The following SRGAP3 variants were observed in gnomAD, a reference collection of about 807,000 sequenced individuals.
The protein encoded by SRGAP3 is SLIT-ROBO Rho GTPase activating protein 3, also known as SLIT-ROBO Rho GTPase-activating protein 3.
In SRGAP3, 39 loss-of-function variants were observed where a neutral mutation model predicts 121.1. That is an observed-to-expected ratio of 0.32 (90% CI 0.25 to 0.42). The LOEUF (loss-of-function observed/expected upper bound fraction) is 0.42, where lower values mean the gene tolerates loss of function less well. Among genes scored for constraint, SRGAP3 ranks in the 10% least tolerant of loss-of-function variants. SRGAP3 has a pLI of 1.00. For missense variants in SRGAP3, 1,213 were observed against 1,470.6 expected (o/e 0.82, Z 2.86); for synonymous variants, 601 against 570.0 (o/e 1.05, Z -0.77).
At chr3:9,102,669 G>T (rs1354223816) in intron 3 of SRGAP3, among the ~76,000 whole-genome samples, 1 of 152,242 alleles carries the variant, frequency 6.6e-6, no homozygotes, top group Non-Finnish European at 1.5e-5. Context: ...TGTGGGCTGG[G>T]TTGTTTCCTT....
intron 1 of SRGAP3, among the ~76,000 whole-genome samples, chr3:9,176,273 G>A (rs1228498770): frequency 6.6e-6 from 1 of 152,134 alleles, no homozygotes; most frequent in African/African-American, 2.4e-5. Flanking sequence ...GTAACACAGG[G>A]TGATGATGGC....
chr3:9,232,688 C>G (rs983712911), intron 1 of SRGAP3, among the ~76,000 whole-genome samples: 4 of 152,164 alleles, frequency 2.6e-5, no homozygotes, highest in African/African-American at 9.7e-5. Flanking sequence ...ATGTTAAGTT[C>G]ATGAAATCTG....
In SRGAP3 at chr3:8,985,502, G is replaced by A. The variant is rs765566401; in HGVS notation, c.*17C>T. The A allele has an allele frequency of 5.3e-5, 85 of 1,598,032 alleles. No homozygotes were observed. The highest frequency in any genetic ancestry group is 6.6e-5 in the Non-Finnish European group (78 of 1,179,294). ...GTGAGCCACAGCGGGCCACGGCGGC[G>A]CGGCCCATCCTGCAGGTCACATGGT... On this transcript the variant is annotated 3_prime_UTR_variant, in exon 22 of 22. Coordinates refer to ENST00000383836, the MANE Select transcript of SRGAP3 (RefSeq NM_014850.4). This position sits in a 1 kb window ranked among gnomAD's most constrained non-coding sequence, Gnocchi z 5.1.
At chr3:9,345,046 A>G (rs868514325) in intron 1 of SRGAP3, among the ~76,000 whole-genome samples, 5 of 152,132 alleles carry the variant, frequency 3.3e-5, no homozygotes, top group Non-Finnish European at 7.4e-5. Context: ...AAAAAAAAAA[A>G]GCCAAGGAGG....
chr3:9,060,428 C>CATTT, intron 5 of SRGAP3, 69 bp from the exon 6 acceptor site: 27 of 1,175,384 alleles, frequency 2.3e-5, no homozygotes, highest in East Asian at 3.2e-5. Flanking sequence ...TTTTCTATTC[C>CATTT]TTTTTTTTTT....
Position 8,981,050 on chromosome 3 carries a change from C to T in SRGAP3, c.*4469G>A, listed in dbSNP as rs1941393241. ...AACTCACACAGAAAGGAGGTGTCAACAAGGGGCAGCGATGGCCATGTGGCC... is the reference window on the plus strand; with the variant it reads ...AACTCACACAGAAAGGAGGTGTCAATAAGGGGCAGCGATGGCCATGTGGCC... On this transcript the variant is annotated 3_prime_UTR_variant, in exon 22 of 22. Coordinates refer to ENST00000383836, the MANE Select transcript of SRGAP3 (RefSeq NM_014850.4). 4.3e-6 allele frequency: 1 copy of T among 233,114 alleles called. No individual in the cohort carries two copies. Among genetic ancestry groups the T allele is most frequent in the Non-Finnish European group, 8.5e-6 (1 of 117,826 alleles). The allele number at this position is 233,114 out of a possible 1,614,324, so 14.4% of individuals were successfully genotyped here.
intron 4 of SRGAP3, among the ~76,000 whole-genome samples, chr3:9,075,375 G>A (rs918155101): frequency 2.0e-5 from 2 of 98,452 alleles, no homozygotes; most frequent in Non-Finnish European, 3.6e-5. Context: ...ATGTATGCAA[G>A]TGTGTGTGTG....
At chr3:9,117,893 A>G (rs1445462838) in intron 2 of SRGAP3, among the ~76,000 whole-genome samples, 2 of 152,198 alleles carry the variant, frequency 1.3e-5, no homozygotes, top group African/African-American at 4.8e-5. Flanking sequence ...CTAAGGTAAG[A>G]GAATTGCTTG....
At chr3:9,002,894 G>GA (rs200230129) in intron 18 of SRGAP3, among the ~76,000 whole-genome samples, 33 of 150,446 alleles carry the variant, frequency 2.2e-4, no homozygotes, top group African/African-American at 7.6e-4. Context: ...GACTTAAGAA[G>GA]AAAAAAAAAT....
rs1423344077 is a variant in SRGAP3, at chr3:9,245,395, C to G, written c.67+3490G>C. ...TCTATCTGCCAAGCACCCAATGACA[C>G]TGAGGTTTGCAACCCAGGATGCAGT... is the stretch of plus-strand genomic sequence containing the variant. On this transcript the variant is annotated intron_variant, in intron 1 of 21. Coordinates refer to ENST00000383836, the MANE Select transcript of SRGAP3 (RefSeq NM_014850.4). Among the ~76,000 whole-genome samples the G allele has an allele frequency of 3.3e-5, 5 of 152,292 alleles. No homozygotes were observed. In the East Asian group the frequency reaches 5.8e-4, roughly 18 times the overall value.
Position 9,182,672 on chromosome 3 carries a change from G to A in SRGAP3, c.68-57755C>T, listed in dbSNP as rs532446387. Among the ~76,000 whole-genome samples the A allele has an allele frequency of 1.4e-3, 217 of 151,922 alleles. 2 individuals carry two copies. The highest frequency in any genetic ancestry group is 4.1e-3 in the African/African-American group (171 of 41,434). ...TTTTTATTTATTTGTTTGTTTTATA[G>A]AGACAGGGTCTTGCTCTATCACCCA... On this transcript the variant is annotated intron_variant, in intron 1 of 21. Transcript: ENST00000383836.
intron 1 of SRGAP3, among the ~76,000 whole-genome samples, chr3:9,214,587 G>A (rs1386674921): frequency 6.6e-6 from 1 of 152,140 alleles, no homozygotes; most frequent in Non-Finnish European, 1.5e-5. Context: ...AAAGAAAATA[G>A]GAAGCTATGA....
chr3:9,117,831 T>C (rs545134353), intron 2 of SRGAP3, among the ~76,000 whole-genome samples: 13 of 152,272 alleles, frequency 8.5e-5, no homozygotes, highest in Non-Finnish European at 1.3e-4. Flanking sequence ...GTAAATATCA[T>C]GGGGAGAGCC....
chr3:8,994,226 G>A (rs1942248672), intron 19 of SRGAP3, 117 bp downstream of exon 19: 20 of 1,303,992 alleles, frequency 1.5e-5, no homozygotes, highest in South Asian at 5.9e-5. Context: ...AAGAACAAGC[G>A]TATGATATCA....
intron 4 of SRGAP3, among the ~76,000 whole-genome samples, chr3:9,070,130 C>T (rs987877268): frequency 1.3e-5 from 2 of 152,218 alleles, no homozygotes; most frequent in African/African-American, 4.8e-5. Flanking sequence ...TCCTCAGATT[C>T]TGAAAACAGC....
intron 9 of SRGAP3, among the ~76,000 whole-genome samples, chr3:9,051,374 A>G (rs1421673335): frequency 6.6e-6 from 1 of 152,176 alleles, no homozygotes; most frequent in African/African-American, 2.4e-5. Context: ...TAGTCTTTAA[A>G]TTGATTAAAG....
intron 14 of SRGAP3, chr3:9,015,972 G>A (rs972468088): frequency 2.6e-5 from 14 of 541,568 alleles, no homozygotes; most frequent in African/African-American, 1.5e-4. Flanking sequence ...ATCACCCTTC[G>A]CTTACAACTC....
At chr3:9,286,951 G>T (rs1954786959) in intron 3 of SRGAP3, among the ~76,000 whole-genome samples, 1 of 145,816 alleles carries the variant, frequency 6.9e-6, no homozygotes, top group Admixed American at 7.0e-5. Context: ...TCTTCTAGAG[G>T]TAATACTCGT....
chr3:9,009,179 A>T (rs934453337), intron 18 of SRGAP3, among the ~76,000 whole-genome samples: 1 of 152,210 alleles, frequency 6.6e-6, no homozygotes, highest in African/African-American at 2.4e-5. Flanking sequence ...TCCTACTAGA[A>T]TGTGAAAACC....
Sources: allele counts gnomAD v4.1 joint callset (sites outside exome capture counted in the v4.1 genomes callset), GRCh38; gene constraint gnomAD v4.1.1; non-coding constraint Gnocchi (gnomAD v3.1); transcripts MANE v1.5; gene names NCBI Gene and HGNC (gene_info 2026-07-23, HGNC 2026-07-21).